IGSF21: variants seen among roughly 807,000 people sequenced by gnomAD.
IGSF21 encodes the protein immunoglobin superfamily member 21.
IGSF21 carries 28 observed loss-of-function variants against 46.8 expected under a neutral mutation model. That is an observed-to-expected ratio of 0.60 (90% confidence interval 0.44 to 0.82). The LOEUF is 0.82. IGSF21 is among the 40% of genes least tolerant of loss of function. The pLI, the probability that IGSF21 is intolerant of heterozygous loss-of-function variation, is 0.00. For missense variants in IGSF21, 624 were observed against 665.5 expected (o/e 0.94, Z 0.69); for synonymous variants, 284 against 273.6 (o/e 1.04, Z -0.38).
At chr1:18,304,812 G>T (rs143602389) in intron 3 of IGSF21, among the ~76,000 whole-genome samples, 4 of 151,940 alleles carry the variant, frequency 2.6e-5, no homozygotes, top group African/African-American at 9.7e-5. Context: ...TACTAATTAT[G>T]CAAGTGCTTT....
At chr1:18,342,948 T>C (rs2085857954) in intron 4 of IGSF21, among the ~76,000 whole-genome samples, 1 of 152,226 alleles carries the variant, frequency 6.6e-6, no homozygotes, top group African/African-American at 2.4e-5. Context: ...CTTGGGTATG[T>C]ATCCTTGGAG....
intron 4 of IGSF21, among the ~76,000 whole-genome samples, chr1:18,353,049 A>G (rs573866080): frequency 6.6e-6 from 1 of 152,088 alleles, no homozygotes; most frequent in Non-Finnish European, 1.5e-5. Context: ...AGCAGCTGCC[A>G]CATAAAAGGG....
chr1:18,157,742 G>A (rs753970898), intron 1 of IGSF21, among the ~76,000 whole-genome samples: 1 of 152,154 alleles, frequency 6.6e-6, no homozygotes, highest in Non-Finnish European at 1.5e-5. Context: ...AACTTTCCCA[G>A]GGTCACATAT....
At chr1:18,162,160 C>T (rs1398346151) in intron 1 of IGSF21, among the ~76,000 whole-genome samples, 2 of 152,158 alleles carry the variant, frequency 1.3e-5, no homozygotes, top group Non-Finnish European at 2.9e-5. Flanking sequence ...ATCCTCTCAC[C>T]TCAACCTCCT....
intron 2 of IGSF21, among the ~76,000 whole-genome samples, chr1:18,283,269 C>A (rs1009231234): frequency 3.9e-5 from 6 of 152,242 alleles, no homozygotes; most frequent in African/African-American, 1.4e-4. Flanking sequence ...CAGGGGAAGC[C>A]AATTACCTTG....
At position 18,290,424 on chromosome 1, in the gene IGSF21, G is replaced by T. The variant is rs948938808; in HGVS notation, c.184-1442G>T. 2.0e-5 allele frequency among the ~76,000 whole-genome samples: 3 copies of T among 152,158 alleles called. No individual in the cohort carries two copies. Among genetic ancestry groups the T allele is most frequent in the Admixed American group, 1.3e-4 (2 of 15,274 alleles). On this transcript the variant is annotated intron_variant, in intron 2 of 9. Transcript: ENST00000251296. This position sits in a 1 kb window ranked among gnomAD's most constrained non-coding sequence, Gnocchi z 4.2. ...CCGTGCCCTGGGAAGTCTCACTGCC[G>T]CTTCCTCTCAGGGTCCCAGAGCCTG...
intron 2 of IGSF21, among the ~76,000 whole-genome samples, chr1:18,266,655 T>C (rs925426064): frequency 1.3e-5 from 2 of 152,246 alleles, no homozygotes; most frequent in Non-Finnish European, 2.9e-5. Context: ...CTGTCACTCA[T>C]GCATTGTCAC....
chr1:18,363,659 C>A (rs930440737), intron 5 of IGSF21, among the ~76,000 whole-genome samples: 1 of 149,278 alleles, frequency 6.7e-6, no homozygotes, highest in African/African-American at 2.5e-5. Context: ...ACAGATGGAG[C>A]AATGGGCAGG....
At chr1:18,153,975 C>T (rs2086544980) in intron 1 of IGSF21, among the ~76,000 whole-genome samples, 3 of 152,164 alleles carry the variant, frequency 2.0e-5, no homozygotes, top group African/African-American at 4.8e-5. Context: ...GCCCGCATCA[C>T]ACAGTGATTT....
At position 18,322,515 on chromosome 1, in the gene IGSF21, C is replaced by T. The variant is rs185082975; in HGVS notation, c.306-12377C>T. Among the ~76,000 whole-genome samples the T allele has an allele frequency of 1.4e-3, 219 of 152,262 alleles. 1 individual carries two copies. The highest frequency in any genetic ancestry group is 4.1e-3 in the African/African-American group (171 of 41,544). ...AGGAAGGAGGCGGCGAGCTCAGCCACGGGCCCAGCCTTCCAAGTTTGCTCA... is the reference window on the plus strand; with the variant it reads ...AGGAAGGAGGCGGCGAGCTCAGCCATGGGCCCAGCCTTCCAAGTTTGCTCA... On this transcript the variant is annotated intron_variant, in intron 3 of 9. Transcript: ENST00000251296. The surrounding 1 kb of genome is among the most constrained non-coding windows in gnomAD (Gnocchi z 4.3).
chr1:18,342,243 A>G (rs765858677), intron 4 of IGSF21, among the ~76,000 whole-genome samples: 3 of 151,836 alleles, frequency 2.0e-5, no homozygotes, highest in Non-Finnish European at 2.9e-5. Context: ...ACAGACATAC[A>G]CCACCATGCC....
intron 1 of IGSF21, 140 bp from the exon 2 acceptor site, chr1:18,227,758 G>A: frequency 1.5e-6 from 1 of 658,400 alleles, no homozygotes. Flanking sequence ...ACCACAGTGT[G>A]AACAGCGTCC....
Position 18,198,120 on chromosome 1 carries a change from T to C in IGSF21, c.71-29778T>C, listed in dbSNP as rs533410665. On this transcript the variant is annotated intron_variant, in intron 1 of 9. Transcript: ENST00000251296. ...TTTCAGTTTTCAAGTGTATCTGATATTTTGCAATCCTTTGAAAATTTATAA... is the reference window on the plus strand; with the variant it reads ...TTTCAGTTTTCAAGTGTATCTGATACTTTGCAATCCTTTGAAAATTTATAA... 2.0e-5 allele frequency among the ~76,000 whole-genome samples: 3 copies of C among 152,370 alleles called. No homozygotes were observed. In the South Asian group the frequency reaches 6.2e-4, roughly 32 times the overall value.
intron 3 of IGSF21, among the ~76,000 whole-genome samples, chr1:18,317,108 C>G (rs1190722277): frequency 2.0e-5 from 3 of 152,152 alleles, no homozygotes; most frequent in Non-Finnish European, 2.9e-5. Flanking sequence ...AGTGCCTGCC[C>G]CTCTAGGCTT....
At chr1:18,353,020 G>T (rs2085974146) in intron 4 of IGSF21, among the ~76,000 whole-genome samples, 1 of 152,160 alleles carries the variant, frequency 6.6e-6, no homozygotes, top group Non-Finnish European at 1.5e-5. Flanking sequence ...AAGTTTGGGG[G>T]TGGGGCTAGA....
intron 1 of IGSF21, among the ~76,000 whole-genome samples, chr1:18,188,997 C>A (rs2086930177): frequency 6.6e-6 from 1 of 152,158 alleles, no homozygotes; most frequent in African/African-American, 2.4e-5. Context: ...CAGAGATGAG[C>A]TGGCACTGCC....
chr1:18,121,408 C>A (rs1289532663), intron 1 of IGSF21, among the ~76,000 whole-genome samples: 1 of 151,690 alleles, frequency 6.6e-6, no homozygotes, highest in Non-Finnish European at 1.5e-5. Context: ...GCTTTTCTCA[C>A]GATCCTCTAT....
intron 4 of IGSF21, among the ~76,000 whole-genome samples, chr1:18,341,334 C>T (rs1285618431): frequency 6.6e-6 from 1 of 152,004 alleles, no homozygotes; most frequent in African/African-American, 2.4e-5. Flanking sequence ...CTCATCTTAC[C>T]TTTAGCACAA....
intron 1 of IGSF21, among the ~76,000 whole-genome samples, chr1:18,159,685 C>T (rs1478796651): frequency 7.2e-6 from 1 of 138,762 alleles, no homozygotes; most frequent in Non-Finnish European, 1.5e-5. Context: ...TCGGGTATGT[C>T]TTTTTTTTTT....
Sources: gnomAD v4.1 joint callset for allele counts (sites outside exome capture counted in the v4.1 genomes callset) on GRCh38, gnomAD v4.1.1 for gene constraint, Gnocchi (gnomAD v3.1) non-coding constraint, MANE v1.5 for transcripts, NCBI Gene and HGNC (gene_info 2026-07-23, HGNC 2026-07-21) for gene names.